Variants in OR1S1 observed in about 807,000 individuals in gnomAD.
OR1S1 encodes olfactory receptor family 1 subfamily S member 1.
For synonymous variants in OR1S1, 156 were observed against 143.9 expected (o/e 1.08, Z -0.60); for missense variants, 411 against 367.5 (o/e 1.12, Z -0.97).
rs151225055 is a variant in OR1S1, at chr11:58,215,643, C to T, written c.860C>T (p.Pro287Leu). 5.0e-4 allele frequency: 806 copies of T among 1,613,872 alleles called. 1 individual carries two copies. Among genetic ancestry groups the T allele is most frequent in the Non-Finnish European group, 6.3e-4 (741 of 1,179,980 alleles). The change falls in exon 2 of 2, where the codon CCC (proline) becomes CTC (leucine). Residue 287 changes from proline (P) to leucine (L), a missense_variant. By Grantham distance (98) the Pro-to-Leu change is moderately conservative. Coordinates refer to ENST00000641544, the Ensembl canonical transcript of OR1S1. ...ACTGTGGTGACACCCATGATAAACC[C>T]CTTCATCTACAGCTTGAGGAATAAG...
intron 1 of OR1S1, among the ~76,000 whole-genome samples, chr11:58,213,719 T>C (rs1237153070): frequency 2.0e-5 from 3 of 152,236 alleles, no homozygotes; most frequent in South Asian, 4.1e-4. Flanking sequence ...TTGTGCCTTA[T>C]ATGTGGCAGG....
Position 58,214,936 on chromosome 11 carries a change from GGA to G in OR1S1, c.154_155del (p.Asp52TyrfsTer18). 1 of 1,614,056 alleles carries G rather than the reference GGA, an allele frequency of 6.2e-7. No individual in the cohort carries two copies. Among genetic ancestry groups the G allele is most frequent in the Non-Finnish European group, 8.5e-7 (1 of 1,179,992 alleles). Reference sequence around the variant, plus strand: ...GGCTCATCATTGTGGCTATCAGCTTGGATACGTACCTTCATACCCCCATGTAT... The same window carrying G: ...GGCTCATCATTGTGGCTATCAGCTTGTACGTACCTTCATACCCCCATGTAT... On this transcript the variant is annotated frameshift_variant, in exon 2 of 2. Transcript: ENST00000641544. LOFTEE classifies it low-confidence loss of function (END_TRUNC).
chr11:58,213,568 C>A (rs538122538), intron 1 of OR1S1, among the ~76,000 whole-genome samples: 12 of 152,234 alleles, frequency 7.9e-5, no homozygotes, highest in East Asian at 3.9e-4. Flanking sequence ...TTCCCACAAA[C>A]CCGTTGTTGT....
At chr11:58,215,932 G>GCATCCTTAGA in exon 2 of OR1S1, 1 of 596,182 alleles carries the variant, frequency 1.7e-6, no homozygotes, top group Non-Finnish European at 2.9e-6. Context: ...AGAATAACAC[G>GCATCCTTAGA]CATCCTTAGA....
At chr11:58,214,586 G>T (rs1852894385) in intron 1 of OR1S1, 143 bp from the exon 2 acceptor site, 3 of 641,074 alleles carry the variant, frequency 4.7e-6, no homozygotes, top group Non-Finnish European at 8.1e-6. Context: ...TTTCGGCCAT[G>T]TCCTGTCTTT....
At chr11:58,213,367 A>G (rs1301913670) in intron 1 of OR1S1, among the ~76,000 whole-genome samples, 1 of 152,172 alleles carries the variant, frequency 6.6e-6, no homozygotes, top group Non-Finnish European at 1.5e-5. Flanking sequence ...TTAAGGTTTT[A>G]AAAATGTTTA....
rs1372526729 is a variant in OR1S1, at chr11:58,213,979, G to A, written c.-55-750G>A. Among the ~76,000 whole-genome samples the A allele has an allele frequency of 3.3e-5, 5 of 152,278 alleles. No homozygotes were observed. The East Asian group carries it at 9.7e-4, about 29-fold the overall frequency. On this transcript the variant is annotated intron_variant, in intron 1 of 1. Coordinates refer to ENST00000641544, the Ensembl canonical transcript of OR1S1. ...TCCTATAGCATCACGTGTCCTATGG[G>A]AAATTCACATATTTATGCCATGTCA...
exon 2 of OR1S1, chr11:58,215,459 C>T (rs1243238060): frequency 1.2e-6 from 2 of 1,614,166 alleles, no homozygotes; most frequent in South Asian, 2.2e-5. Flanking sequence ...CAGAGCTGTC[C>T]TGAGAGTATC....
chr11:58,212,725 C>G (rs1460270132), exon 1 of OR1S1: 2 of 152,200 alleles, frequency 1.3e-5, no homozygotes, highest in Non-Finnish European at 2.9e-5. Flanking sequence ...AAACCAGTAA[C>G]TTTCTGAGAT....
intron 1 of OR1S1, 140 bp from the exon 2 acceptor site, chr11:58,214,589 C>T (rs1432172752): frequency 5.1e-5 from 33 of 646,022 alleles, no homozygotes; most frequent in Non-Finnish European, 8.5e-5. Context: ...CGGCCATGTC[C>T]TGTCTTTTTC....
chr11:58,214,470 G>A (rs909406586), intron 1 of OR1S1, among the ~76,000 whole-genome samples: 1 of 152,166 alleles, frequency 6.6e-6, no homozygotes, highest in African/African-American at 2.4e-5. Flanking sequence ...TATAGGGTAT[G>A]CCTCATCTAT....
At chr11:58,215,422 C>T (rs770914782) in exon 2 of OR1S1, 6 of 1,614,004 alleles carry the variant, frequency 3.7e-6, no homozygotes, top group African/African-American at 1.3e-5. Flanking sequence ...CCTTTACACT[C>T]AGCTTCTTTT....
intron 1 of OR1S1, among the ~76,000 whole-genome samples, chr11:58,213,695 T>C (rs1854982182): frequency 6.6e-6 from 1 of 152,214 alleles, no homozygotes; most frequent in South Asian, 2.1e-4. Context: ...TCTGTTGCCA[T>C]AGATACTAGC....
chr11:58,213,481 C>T (rs1295231804), intron 1 of OR1S1, among the ~76,000 whole-genome samples: 1 of 152,184 alleles, frequency 6.6e-6, no homozygotes. Flanking sequence ...CCCTTGTGAG[C>T]TCAGATCTGA....
chr11:58,215,493 C>T, exon 2 of OR1S1: 3 of 1,614,130 alleles, frequency 1.9e-6, no homozygotes, highest in Middle Eastern at 1.6e-4. Context: ...AAGTGGAAAG[C>T]CTTCTCCACT....
chr11:58,214,885 G>A (rs1852905001), exon 2 of OR1S1: 15 of 1,614,084 alleles, frequency 9.3e-6, no homozygotes, highest in Non-Finnish European at 1.2e-5. Flanking sequence ...TCTTGGGTAT[G>A]TACCTGGTCA....
exon 2 of OR1S1, chr11:58,215,192 C>A: frequency 6.2e-7 from 1 of 1,614,102 alleles, no homozygotes; most frequent in Non-Finnish European, 8.5e-7. Context: ...AATTCTCATG[C>A]GGCCCAGGTT....
At chr11:58,214,932 G>C (rs1272749092) in exon 2 of OR1S1, 1 of 1,614,100 alleles carries the variant, frequency 6.2e-7, no homozygotes, top group East Asian at 2.2e-5. Flanking sequence ...GTGGCTATCA[G>C]CTTGGATACG....
rs1383382944 is a variant in OR1S1 at position 58,215,209 on chromosome 11, T to A, written c.426T>A (p.Ile142=). The stretch of plus-strand genomic sequence containing the variant: ...TTCTCATGCGGCCCAGGTTCGGCAT[T>A]TTGCTCACAGTCATCTCATGGTTCC... The change falls in exon 2 of 2, where the codon ATT becomes ATA. Residue 142 remains isoleucine, a synonymous_variant. Coordinates refer to ENST00000641544, the Ensembl canonical transcript of OR1S1. The A allele has an allele frequency of 3.7e-6, 6 of 1,614,120 alleles. No homozygotes were observed. The South Asian group carries it at 6.6e-5, about 18-fold the overall frequency.
Sources: gnomAD v4.1 joint callset for allele counts (sites outside exome capture counted in the v4.1 genomes callset) on GRCh38, gnomAD v4.1.1 for gene constraint, MANE v1.5 for transcripts, NCBI Gene and HGNC (gene_info 2026-07-23, HGNC 2026-07-21) for gene names.